CLIC5: variants seen among roughly 807,000 people sequenced by gnomAD.
CLIC5 encodes the protein chloride intracellular channel protein 5.
Under a neutral mutation model 24.7 loss-of-function variants are expected in CLIC5, and 20 were observed. The observed-to-expected ratio is 0.81, with a 90% confidence interval of 0.57 to 1.18. CLIC5 has a LOEUF of 1.18. CLIC5 is among the 50% of genes most tolerant of loss of function. The pLI, the probability that CLIC5 is intolerant of heterozygous loss-of-function variation, is 0.00. For synonymous variants in CLIC5, 159 were observed against 135.6 expected (o/e 1.17, Z -1.20); for missense variants, 341 against 326.1 (o/e 1.05, Z -0.35).
At chr6:45,930,390 C>T (rs1266776152) in intron 4 of CLIC5, among the ~76,000 whole-genome samples, 1 of 152,120 alleles carries the variant, frequency 6.6e-6, no homozygotes, top group Admixed American at 6.5e-5. Flanking sequence ...CAGCCAGGGA[C>T]CTCCTATGGT....
chr6:46,120,529 C>T, the CLIC5 span, among the ~76,000 whole-genome samples: 1 of 152,204 alleles, frequency 6.6e-6, no homozygotes, highest in Non-Finnish European at 1.5e-5. Context: ...GAGTGCCTCT[C>T]CTCCTCCAAA....
At chr6:46,035,381 G>T in intron 1 of CLIC5, among the ~76,000 whole-genome samples, 1 of 152,260 alleles carries the variant, frequency 6.6e-6, no homozygotes, top group South Asian at 2.1e-4. Flanking sequence ...TTTGTTTCAG[G>T]GTGTATTGTT....
intron 5 of CLIC5, chr6:45,913,728 G>A: frequency 8.5e-7 from 1 of 1,182,640 alleles, no homozygotes; most frequent in Non-Finnish European, 1.1e-6. Context: ...ATCACTTCTT[G>A]CAACCTCCAC....
chr6:46,082,385 C>T (rs559559764), upstream of CLIC5, among the ~76,000 whole-genome samples: 5 of 152,298 alleles, frequency 3.3e-5, no homozygotes, highest in African/African-American at 1.2e-4. Context: ...CAAGTCCTTC[C>T]GTTAAAATGT....
chr6:45,999,307 G>A (rs1011022804), intron 1 of CLIC5, among the ~76,000 whole-genome samples: 1 of 152,148 alleles, frequency 6.6e-6, no homozygotes, highest in Admixed American at 6.5e-5. Flanking sequence ...TTGACAATTG[G>A]TGAATATAAA....
At chr6:46,061,182 T>C (rs759132957) in intron 1 of CLIC5, among the ~76,000 whole-genome samples, 6 of 136,438 alleles carry the variant, frequency 4.4e-5, no homozygotes, top group Non-Finnish European at 8.1e-5. Context: ...TGTTTTTGTT[T>C]TTGTTTGTTT....
At chr6:45,958,447 TATATATATATATATATATATATA>T in intron 1 of CLIC5, among the ~76,000 whole-genome samples, 2 of 72,274 alleles carry the variant, frequency 2.8e-5, no homozygotes, top group East Asian at 8.0e-4. Context: ...TATATATATA[TATATATATATATATATATATATA>T]TATATAAACA....
At chr6:46,086,208 A>T in the CLIC5 span, among the ~76,000 whole-genome samples, 1 of 152,244 alleles carries the variant, frequency 6.6e-6, no homozygotes, top group Non-Finnish European at 1.5e-5. Flanking sequence ...GAGTGAGGCA[A>T]TGCCTCGCCC....
intron 1 of CLIC5, among the ~76,000 whole-genome samples, chr6:45,999,980 G>C (rs572258244): frequency 3.6e-5 from 1 of 27,536 alleles, no homozygotes; most frequent in Non-Finnish European, 6.9e-5. Context: ...TCGATCTCCT[G>C]ACCTCATGAT....
At chr6:46,072,418 T>C (rs1391137855) in intron 1 of CLIC5, among the ~76,000 whole-genome samples, 1 of 152,016 alleles carries the variant, frequency 6.6e-6, no homozygotes, top group Non-Finnish European at 1.5e-5. Context: ...TGAAATCGAT[T>C]GCACTATTGA....
chr6:46,127,708 T>C, the CLIC5 span, among the ~76,000 whole-genome samples: 14 of 152,156 alleles, frequency 9.2e-5, no homozygotes, highest in African/African-American at 3.1e-4. Context: ...AAAGTTTGGG[T>C]GAGACCTCAG....
intron 1 of CLIC5, among the ~76,000 whole-genome samples, chr6:46,025,974 T>C (rs7755297): frequency 6.6e-6 from 1 of 152,152 alleles, no homozygotes; most frequent in Non-Finnish European, 1.5e-5. Context: ...CCATGTGGAA[T>C]GGTGAGTCAA....
At chr6:45,951,680 A>G (rs2127382114) in intron 2 of CLIC5, among the ~76,000 whole-genome samples, 1 of 152,306 alleles carries the variant, frequency 6.6e-6, no homozygotes, top group South Asian at 2.1e-4. Context: ...GACTTCCAAG[A>G]CGGTGCTGGG....
At chr6:46,127,442 A>G in the CLIC5 span, among the ~76,000 whole-genome samples, 1 of 152,204 alleles carries the variant, frequency 6.6e-6, no homozygotes, top group East Asian at 1.9e-4. Context: ...AATGGGTTTA[A>G]AGGCTCTCTA....
upstream of CLIC5, among the ~76,000 whole-genome samples, chr6:46,084,413 A>C (rs1762987677): frequency 6.6e-6 from 1 of 152,162 alleles, no homozygotes; most frequent in African/African-American, 2.4e-5. Flanking sequence ...GGCTGGTAGC[A>C]GTTGTTCCTT....
chr6:45,888,847 T>C (rs1213449317), intron 6 of CLIC5, among the ~76,000 whole-genome samples: 1 of 152,256 alleles, frequency 6.6e-6, no homozygotes, highest in African/African-American at 2.4e-5. Context: ...TATAATTCTG[T>C]GTTCCCTTAA....
rs1762507493 is a variant in CLIC5, at chr6:45,901,359, ACCT to A, written c.*1726_*1728del. ...CCTCTTCCTCAATGGGCTCTAGGAG[ACCT>A]CCTGCTTCCTCTCCTCTGATTTGAT... On this transcript the variant is annotated 3_prime_UTR_variant, in exon 6 of 6. Transcript: ENST00000339561. The A allele has an allele frequency of 6.6e-6, 1 of 151,066 alleles. No homozygotes were observed. Among genetic ancestry groups the A allele is most frequent in the African/African-American group, 2.4e-5 (1 of 40,976 alleles). 9.4% of individuals were successfully genotyped at this position (151,066 alleles called of 1,614,324 possible).
intron 1 of CLIC5, among the ~76,000 whole-genome samples, chr6:46,005,184 C>G (rs1447194423): frequency 6.6e-6 from 1 of 152,212 alleles, no homozygotes; most frequent in African/African-American, 2.4e-5. Flanking sequence ...CGTCTCTATT[C>G]TAGGTAATGG....
At chr6:45,979,855 A>G (rs1016416993) in intron 1 of CLIC5, among the ~76,000 whole-genome samples, 1 of 150,486 alleles carries the variant, frequency 6.6e-6, no homozygotes, top group Non-Finnish European at 1.5e-5. Flanking sequence ...CTCTCTGTTG[A>G]TAGTTTCTTT....
Sources: gnomAD v4.1 joint callset for allele counts (sites outside exome capture counted in the v4.1 genomes callset) on GRCh38, gnomAD v4.1.1 for gene constraint, MANE v1.5 for transcripts, NCBI Gene and HGNC (gene_info 2026-07-23, HGNC 2026-07-21) for gene names.